UNC79: variants seen among roughly 807,000 people sequenced by gnomAD.
UNC79 encodes the protein unc-79 subunit of NALCN channel complex, also known as protein unc-79 homolog.
UNC79 carries 37 observed loss-of-function variants against 283.1 expected under a neutral mutation model. The ratio of observed to expected loss-of-function variants is 0.13; its 90% CI spans 0.10 to 0.17. UNC79 has a LOEUF of 0.17. Among genes scored for constraint, UNC79 ranks in the 10% least tolerant of loss-of-function variants. UNC79 has a pLI of 1.00. For synonymous variants in UNC79, 1,107 were observed against 1,200.2 expected, an observed-to-expected ratio of 0.92 and a Z score of 1.61; for missense variants, 2,272 against 3,211.1, an observed-to-expected ratio of 0.71 and a Z score of 7.07.
At chr14:93,401,945 T>C (rs2055116202) in intron 1 of UNC79, among the ~76,000 whole-genome samples, 1 of 152,036 alleles carries the variant, frequency 6.6e-6, no homozygotes, top group Non-Finnish European at 1.5e-5. Flanking sequence ...ACACAGGACG[T>C]ATCCAATTCA....
intron 1 of UNC79, among the ~76,000 whole-genome samples, chr14:93,403,568 C>T (rs1484237109): frequency 6.6e-6 from 1 of 152,094 alleles, no homozygotes; most frequent in Non-Finnish European, 1.5e-5. Context: ...ATTACAAAAG[C>T]CATGAGTCCT....
At chr14:93,448,216 G>A (rs1335722324) in intron 1 of UNC79, among the ~76,000 whole-genome samples, 1 of 131,792 alleles carries the variant, frequency 7.6e-6, no homozygotes, top group East Asian at 2.1e-4. Flanking sequence ...TGTTCTTCAT[G>A]TTTGATACTT....
chr14:93,342,179 C>G (rs2053728378), intron 1 of UNC79, among the ~76,000 whole-genome samples: 1 of 152,236 alleles, frequency 6.6e-6, no homozygotes, highest in Admixed American at 6.5e-5. Flanking sequence ...CAGCAAACTT[C>G]TGCCTGGACA....
intron 17 of UNC79, among the ~76,000 whole-genome samples, chr14:93,577,572 A>C (rs113445620): frequency 6.6e-6 from 1 of 152,218 alleles, no homozygotes; most frequent in South Asian, 2.1e-4. Context: ...CTAATTGGAC[A>C]TGTTTGATGG....
In UNC79 at chr14:93,690,571, T is replaced by C. The variant is rs2074604905; in HGVS notation, c.7272+268T>C. 5.1e-6 allele frequency: 2 copies of C among 389,292 alleles called. No individual in the cohort carries two copies. The highest frequency in any genetic ancestry group is 8.5e-5 in the South Asian group (1 of 11,762). 24.1% of individuals were successfully genotyped at this position (389,292 alleles called of 1,614,324 possible). On this transcript the variant is annotated intron_variant, in intron 45 of 48. Transcript: ENST00000555664. This position sits in a 1 kb window ranked among gnomAD's most constrained non-coding sequence, Gnocchi z 4.3. The stretch of plus-strand genomic sequence containing the variant: ...AGAGTTGGCTTCCCAGGCATTTCTG[T>C]CTCAAAATAATGAAGAGAAATAAAA...
upstream of UNC79, chr14:93,333,203 G>A (rs946906272): frequency 2.5e-6 from 1 of 400,988 alleles, no homozygotes; most frequent in Non-Finnish European, 4.4e-6. Context: ...CCATGGGAGC[G>A]GAGTGCGCGC....
intron 2 of UNC79, among the ~76,000 whole-genome samples, chr14:93,468,706 C>A (rs913398708): frequency 6.6e-6 from 1 of 152,182 alleles, no homozygotes; most frequent in African/African-American, 2.4e-5. Context: ...AAGCTTCATG[C>A]GATCAAGTCA....
Position 93,467,659 on chromosome 14 carries a change from G to GTTTTTTTATTT in UNC79, c.23-12_23-11insTTTTTTTATTT. 4.4e-6 allele frequency: 1 copy of GTTTTTTTATTT among 227,822 alleles called. No homozygotes were observed. Among genetic ancestry groups the GTTTTTTTATTT allele is most frequent in the Non-Finnish European group, 5.5e-6 (1 of 181,098 alleles). 14.1% of individuals were successfully genotyped at this position (227,822 alleles called of 1,614,324 possible). A position where few individuals can be genotyped will look rare whatever the true frequency, so the allele number is the denominator to read the frequency against. ...TTTTTTTTTTTTTTTTTTTTTTTTT[G>GTTTTTTTATTT]CTTTTATCTAGTTGCTTCCAAGATC... On this transcript the variant is annotated splice_polypyrimidine_tract_variant and intron_variant, in intron 1 of 48. Coordinates refer to ENST00000555664, the Ensembl canonical transcript of UNC79.
At chr14:93,430,324 G>T (rs2055827725), upstream of UNC79, 2 of 152,612 alleles carry the variant, frequency 1.3e-5, no homozygotes, top group Non-Finnish European at 2.9e-5. The surrounding 1 kb of genome is among the most constrained non-coding windows in gnomAD (Gnocchi z 4.6). Context: ...TCGCAGAGGG[G>T]AGGCGAGGGC....
At position 93,621,737 on chromosome 14, in the gene UNC79, C is replaced by G; in HGVS notation, c.4504C>G (p.Leu1502Val). Residue 1502 changes from leucine (L) to valine (V), a missense_variant, in exon 30 of 49, where the codon CTT (leucine) becomes GTT (valine). By Grantham distance (32) the Leu-to-Val change is conservative (BLOSUM62 1). Around this residue, in one of 11 missense-constraint regions of UNC79, gnomAD observed 580 missense variants for 632.2 expected, o/e 0.92. Coordinates refer to ENST00000555664, the Ensembl canonical transcript of UNC79. The surrounding 1 kb of genome is among the most constrained non-coding windows in gnomAD (Gnocchi z 4.8). ...GCTACGCTCTTTCAAACAAAAATCT[C>G]TTGATATAGGGAATGCAGACTCGCT... The G allele has an allele frequency of 6.2e-7, 1 of 1,614,056 alleles. No individual in the cohort carries two copies. The highest frequency in any genetic ancestry group is 8.5e-7 in the Non-Finnish European group (1 of 1,179,998).
rs189441394 is a variant in UNC79, at chr14:93,492,422, C to T, written c.713-3989C>T. On this transcript the variant is annotated intron_variant, in intron 5 of 48. Transcript: ENST00000555664. ...TTGCCCAGGCTGGAGTGCAGTGGCACGGCTCACTGCAACCTCTGCCTCCTG... is the reference window on the plus strand; with the variant it reads ...TTGCCCAGGCTGGAGTGCAGTGGCATGGCTCACTGCAACCTCTGCCTCCTG... Among the ~76,000 whole-genome samples the T allele has an allele frequency of 2.8e-3, 420 of 152,252 alleles. 1 individual carries two copies. The highest frequency in any genetic ancestry group is 9.4e-3 in the African/African-American group (392 of 41,550).
intron 12 of UNC79, 148 bp from the exon 13 acceptor site, chr14:93,540,512 G>A: frequency 1.3e-6 from 1 of 790,768 alleles, no homozygotes; most frequent in Non-Finnish European, 1.9e-6. Context: ...AGGATGCACA[G>A]TACTCAGTAA....
chr14:93,488,961 A>G (rs1359642592), intron 5 of UNC79, among the ~76,000 whole-genome samples: 4 of 152,212 alleles, frequency 2.6e-5, no homozygotes, highest in Non-Finnish European at 5.9e-5. Flanking sequence ...TTTTTTTAAG[A>G]TACAGAGTCT....
chr14:93,599,802 T>C (rs2065357488), intron 24 of UNC79, among the ~76,000 whole-genome samples: 1 of 152,244 alleles, frequency 6.6e-6, no homozygotes, highest in African/African-American at 2.4e-5. Context: ...CTTTGCTTTT[T>C]TCGGAATCAT....
At chr14:93,580,311 C>T (rs2063721069) in exon 19 of UNC79, 4 of 1,614,230 alleles carry the variant, frequency 2.5e-6, no homozygotes, top group Non-Finnish European at 3.4e-6. Flanking sequence ...GTCTAGTATC[C>T]TCTGCTATCA....
chr14:93,356,986 G>A (rs1217058795), intron 1 of UNC79, among the ~76,000 whole-genome samples: 1 of 152,142 alleles, frequency 6.6e-6, no homozygotes, highest in Admixed American at 6.5e-5. Context: ...TCAACAGGAA[G>A]TTTTTCAATT....
At chr14:93,439,740 A>G (rs1264419481) in intron 1 of UNC79, among the ~76,000 whole-genome samples, 1 of 152,018 alleles carries the variant, frequency 6.6e-6, no homozygotes. Flanking sequence ...CTTTTTTTGT[A>G]GTGGAACTCT....
intron 39 of UNC79, 29 bp downstream of exon 42, chr14:93,659,290 A>G (rs778490781): frequency 3.8e-6 from 6 of 1,576,508 alleles, no homozygotes; most frequent in Non-Finnish European, 5.2e-6. Flanking sequence ...AACATAACCA[A>G]TTGGTTAGTC....
intron 35 of UNC79, among the ~76,000 whole-genome samples, chr14:93,651,912 AT>A (rs71129653): frequency 0.58 from 26,915 of 46,578 alleles, 8,037 homozygotes; most frequent in Non-Finnish European, 0.68. Context: ...CTAATTTTGT[AT>A]TTTTTTTTTT....
Sources: gnomAD v4.1 joint callset for allele counts (sites outside exome capture counted in the v4.1 genomes callset) on GRCh38, gnomAD v4.1.1 for gene constraint, gnomAD v4.1.1 regional missense constraint, Gnocchi (gnomAD v3.1) non-coding constraint, MANE v1.5 for transcripts, NCBI Gene and HGNC (gene_info 2026-07-23, HGNC 2026-07-21) for gene names.